The following CHERP variants were observed in gnomAD, a reference collection of about 807,000 sequenced individuals.
CHERP encodes the protein ERPROT 213-21.
In CHERP, 8 loss-of-function variants were observed where a neutral mutation model predicts 113.8. The observed-to-expected ratio is 0.07, with a 90% confidence interval of 0.04 to 0.13. CHERP has a LOEUF of 0.13. CHERP is among the 10% of genes least tolerant of loss of function. The probability of loss-of-function intolerance (pLI) is 1.00; values close to 1 mark genes in which losing one functional copy is unlikely to be tolerated. For synonymous variants in CHERP, 559 were observed against 524.5 expected, an observed-to-expected ratio of 1.07 and a Z score of -0.90; for missense variants, 884 against 1,298.2, an observed-to-expected ratio of 0.68 and a Z score of 4.90.
At position 16,525,483 on chromosome 19, in the gene CHERP, G is replaced by A. The variant is rs983753121; in HGVS notation, c.1500C>T (p.His500=). The A allele has an allele frequency of 2.0e-5, 31 of 1,553,034 alleles. No homozygotes were observed. The highest frequency in any genetic ancestry group is 2.5e-5 in the Non-Finnish European group (29 of 1,150,154). ...SQFEGPWNSQ[H]EQPPWGGGQR... is the part of the protein sequence containing the mutation. ...GGCCCCCGCCCCAGGGCGGCTGCTCGTGCTGGCTGTTCCAGGGGCCCTCGA... is the reference window on the plus strand; with the variant it reads ...GGCCCCCGCCCCAGGGCGGCTGCTCATGCTGGCTGTTCCAGGGGCCCTCGA... Residue 500 remains histidine (H), a synonymous_variant, in exon 10 of 17, where the codon CAC becomes CAT. Transcript: ENST00000546361. This position sits in a 1 kb window ranked among gnomAD's most constrained non-coding sequence, Gnocchi z 6.5.
intron 11 of CHERP, among the ~76,000 whole-genome samples, chr19:16,522,024 C>T (rs535981408): frequency 6.6e-6 from 1 of 152,256 alleles, no homozygotes; most frequent in Non-Finnish European, 1.5e-5. Context: ...CCGCTCAGAA[C>T]AGCCTCAGCC....
chr19:16,535,248 G>A lies in CHERP; in HGVS notation c.384+204C>T, dbSNP rs950935574. The stretch of plus-strand genomic sequence containing the variant: ...ACCCCAGGGTGATGGGTGCACGCAC[G>A]TCCAGTGGCTTCACTGAGATGAGAA... On this transcript the variant is annotated intron_variant, in intron 3 of 16. Coordinates refer to ENST00000546361, the MANE Select transcript of CHERP (RefSeq NM_006387.6). This position sits in a 1 kb window ranked among gnomAD's most constrained non-coding sequence, Gnocchi z 4.3. Among the ~76,000 whole-genome samples the A allele has an allele frequency of 9.2e-5, 14 of 152,246 alleles. No homozygotes were observed. The highest frequency in any genetic ancestry group is 2.9e-4 in the African/African-American group (12 of 41,462).
chr19:16,537,173 AC>A (rs1213399757), intron 2 of CHERP, among the ~76,000 whole-genome samples: 1 of 143,594 alleles, frequency 7.0e-6, no homozygotes, highest in East Asian at 2.0e-4. Flanking sequence ...CACTCCCCGC[AC>A]CCCCCTCCTT....
At position 16,530,956 on chromosome 19, in the gene CHERP, C is replaced by A. The variant is rs1354606204; in HGVS notation, c.675-76G>T. The A allele has an allele frequency of 3.2e-6, 5 of 1,561,520 alleles. No homozygotes were observed. The highest frequency in any genetic ancestry group is 4.3e-6 in the Non-Finnish European group (5 of 1,157,782). On this transcript the variant is annotated intron_variant, in intron 5 of 16. Coordinates refer to ENST00000546361, the MANE Select transcript of CHERP (RefSeq NM_006387.6). The surrounding 1 kb of genome is among the most constrained non-coding windows in gnomAD (Gnocchi z 4.1). ...CACGCGCCCGTTACCATCGCGGCTC[C>A]AGCCTCAGCGCCCTCTGCCTTCTCG...
In CHERP at chr19:16,529,791, G is replaced by C; in HGVS notation, c.986C>G (p.Ala329Gly). The C allele has an allele frequency of 6.2e-7, 1 of 1,613,332 alleles. No individual in the cohort carries two copies. The highest frequency in any genetic ancestry group is 8.5e-7 in the Non-Finnish European group (1 of 1,179,838). ...TQHEEFVTSLAQQQQQQQQQQ... is the reference protein window; with the variant it reads ...TQHEEFVTSLGQQQQQQQQQQ... ...CTGTTGCTGCTGCTGCTGCTGCTGG[G>C]CCAGGCTGGTGACAAACTCCTCGTG... Residue 329 changes from alanine to glycine, a missense_variant, in exon 8 of 17, where the codon GCC (alanine) becomes GGC (glycine). Ala to Gly is a moderately conservative substitution (Grantham distance 60). Around this residue, in one of 8 missense-constraint regions of CHERP, gnomAD observed 464 missense variants for 590.1 expected, o/e 0.79. Coordinates refer to ENST00000546361, the MANE Select transcript of CHERP (RefSeq NM_006387.6).
rs2303119 is a variant in CHERP, at chr19:16,520,511, T to C, written c.2202-4A>G. The C allele has an allele frequency of 0.36, 582,730 of 1,610,342 alleles. 112,584 individuals are homozygous for C. Among genetic ancestry groups the C allele is most frequent in the African/African-American group, 0.72 (54,064 of 74,882 alleles). On this transcript the variant is annotated splice_region_variant and splice_polypyrimidine_tract_variant and intron_variant, in intron 13 of 16. Coordinates refer to ENST00000546361, the MANE Select transcript of CHERP (RefSeq NM_006387.6). This position sits in a 1 kb window ranked among gnomAD's most constrained non-coding sequence, Gnocchi z 4.0. ...GCTCCGAGACCTCGAGGGTCCGCTG[T>C]GGGGAGAGGCCTGATGATCAGGTGC...
chr19:16,525,720 C>T lies in CHERP; in HGVS notation c.1306-43G>A, dbSNP rs926915966. 7.7e-6 allele frequency: 11 copies of T among 1,435,056 alleles called. No homozygotes were observed. In the African/African-American group the frequency reaches 1.4e-4, roughly 19 times the overall value. 88.9% of individuals were successfully genotyped at this position (1,435,056 alleles called of 1,614,324 possible). A position where few individuals can be genotyped will look rare whatever the true frequency, so the allele number is the denominator to read the frequency against. On this transcript the variant is annotated intron_variant, in intron 9 of 16. Transcript: ENST00000546361. This position sits in a 1 kb window ranked among gnomAD's most constrained non-coding sequence, Gnocchi z 6.5. ...GGCTTGAGCCCTGCGTGGTCTAGGCCCTAGTGCTCGGCAGCATCACAGCGC... is the reference window on the plus strand; with the variant it reads ...GGCTTGAGCCCTGCGTGGTCTAGGCTCTAGTGCTCGGCAGCATCACAGCGC...
chr19:16,519,351 G>A lies in CHERP; in HGVS notation c.2559C>T (p.Gly853=). 1.2e-6 allele frequency: 2 copies of A among 1,609,962 alleles called. No individual in the cohort carries two copies. The highest frequency in any genetic ancestry group is 2.2e-5 in the East Asian group (1 of 44,870). ...NKGHQMLVKM[G]WSGSGGLGAK... is the part of the protein sequence containing the mutation. ...CACCGAGGCCGCCTGAGCCGCTCCA[G>A]CCTGGAAACAGAGACGCAGTCACAA... is the stretch of plus-strand genomic sequence containing the variant. The change falls in exon 17 of 17, where the codon GGC becomes GGT. Residue 853 remains glycine (G), a splice_region_variant and synonymous_variant. Coordinates refer to ENST00000546361, the MANE Select transcript of CHERP (RefSeq NM_006387.6). The surrounding 1 kb of genome is among the most constrained non-coding windows in gnomAD (Gnocchi z 6.0).
chr19:16,539,306 C>T (rs1599756087), intron 2 of CHERP, among the ~76,000 whole-genome samples: 1 of 152,086 alleles, frequency 6.6e-6, no homozygotes, highest in East Asian at 1.9e-4. Flanking sequence ...CGCTACCACG[C>T]CTGGCTAATT....
Position 16,532,541 on chromosome 19 carries a change from A to G in CHERP, c.674+57T>C. 1 of 1,504,590 alleles carries G rather than the reference A, an allele frequency of 6.6e-7. No individual in the cohort carries two copies. The highest frequency in any genetic ancestry group is 8.9e-7 in the Non-Finnish European group (1 of 1,124,116). The allele number at this position is 1,504,590 out of a possible 1,614,324, so 93.2% of individuals were successfully genotyped here. A position where few individuals can be genotyped will look rare whatever the true frequency, so the allele number is the denominator to read the frequency against. Reference sequence around the variant, plus strand: ...CGACCGGAGCAAGCGGCCACCCAGGAGGGTTGAGGAGGAGCGCGAGGAAGT... The same window carrying G: ...CGACCGGAGCAAGCGGCCACCCAGGGGGGTTGAGGAGGAGCGCGAGGAAGT... On this transcript the variant is annotated intron_variant, in intron 5 of 16. Transcript: ENST00000546361. The surrounding 1 kb of genome is among the most constrained non-coding windows in gnomAD (Gnocchi z 4.4).
intron 2 of CHERP, chr19:16,541,150 A>G (rs902960980): frequency 2.0e-5 from 3 of 152,158 alleles, no homozygotes; most frequent in Non-Finnish European, 1.5e-5. Context: ...CTTAATACAT[A>G]ACACACAATT....
intron 3 of CHERP, among the ~76,000 whole-genome samples, chr19:16,533,981 G>A (rs1189567028): frequency 2.0e-5 from 3 of 152,108 alleles, no homozygotes; most frequent in Non-Finnish European, 4.4e-5. Context: ...GGTCAGTTAC[G>A]GCTGGTCAAG....
intron 2 of CHERP, among the ~76,000 whole-genome samples, chr19:16,538,463 T>C (rs1026960233): frequency 6.6e-6 from 1 of 152,192 alleles, no homozygotes; most frequent in South Asian, 2.1e-4. Flanking sequence ...GGTGGGCGGA[T>C]CATGAGTTCA....
At chr19:16,528,401 T>G in intron 8 of CHERP, 146 bp from the exon 9 acceptor site, 1 of 724,326 alleles carries the variant, frequency 1.4e-6, no homozygotes, top group Non-Finnish European at 2.1e-6. Context: ...TGACTATCAC[T>G]GGCTTCCAGG....
intron 2 of CHERP, chr19:16,540,129 T>C (rs957222321): frequency 6.5e-6 from 1 of 152,794 alleles, no homozygotes; most frequent in Non-Finnish European, 1.5e-5. Context: ...AGTGGCACGA[T>C]CTTGGCTCAC....
intron 3 of CHERP, among the ~76,000 whole-genome samples, chr19:16,533,815 A>AAAAG (rs2085723344): frequency 6.6e-6 from 1 of 152,144 alleles, no homozygotes; most frequent in African/African-American, 2.4e-5. Context: ...GAAAAGAAAA[A>AAAAG]AAAAGACAAA....
intron 2 of CHERP, among the ~76,000 whole-genome samples, chr19:16,537,878 C>T (rs1265056944): frequency 2.0e-5 from 3 of 152,170 alleles, no homozygotes; most frequent in African/African-American, 7.2e-5. Flanking sequence ...TTTCTAGCAG[C>T]GTGATGGTTC....
At position 16,532,520 on chromosome 19, in the gene CHERP, C is replaced by T. The variant is rs753956845; in HGVS notation, c.674+78G>A. 1.5e-4 allele frequency: 224 copies of T among 1,457,862 alleles called. No individual in the cohort carries two copies. Among genetic ancestry groups the T allele is most frequent in the Admixed American group, 4.6e-4 (20 of 43,694 alleles). 90.3% of individuals were successfully genotyped at this position (1,457,862 alleles called of 1,614,324 possible). On this transcript the variant is annotated intron_variant, in intron 5 of 16. Coordinates refer to ENST00000546361, the MANE Select transcript of CHERP (RefSeq NM_006387.6). This position sits in a 1 kb window ranked among gnomAD's most constrained non-coding sequence, Gnocchi z 4.4. ...GGACAGGCCAAGCCAAGCTACCGAC[C>T]GGAGCAAGCGGCCACCCAGGAGGGT...
At position 16,530,950 on chromosome 19, in the gene CHERP, C is replaced by T. The variant is rs1337363556; in HGVS notation, c.675-70G>A. On this transcript the variant is annotated intron_variant, in intron 5 of 16. Coordinates refer to ENST00000546361, the MANE Select transcript of CHERP (RefSeq NM_006387.6). This position sits in a 1 kb window ranked among gnomAD's most constrained non-coding sequence, Gnocchi z 4.1. Reference sequence around the variant, plus strand: ...CCCGGCCACGCGCCCGTTACCATCGCGGCTCCAGCCTCAGCGCCCTCTGCC... The same window carrying T: ...CCCGGCCACGCGCCCGTTACCATCGTGGCTCCAGCCTCAGCGCCCTCTGCC... 9 of 1,571,308 alleles carry T rather than the reference C, an allele frequency of 5.7e-6. No individual in the cohort carries two copies. The highest frequency in any genetic ancestry group is 2.3e-5 in the South Asian group (2 of 88,374).
Sources: allele counts gnomAD v4.1 joint callset (sites outside exome capture counted in the v4.1 genomes callset), GRCh38; gene constraint gnomAD v4.1.1; regional missense constraint gnomAD v4.1.1; non-coding constraint Gnocchi (gnomAD v3.1); transcripts MANE v1.5; gene names NCBI Gene and HGNC (gene_info 2026-07-23, HGNC 2026-07-21).